The following LRRC40 variants were observed in gnomAD, a reference collection of about 807,000 sequenced individuals.
LRRC40 encodes the protein leucine rich repeat containing 40.
In LRRC40, 76 loss-of-function variants were observed where a neutral mutation model predicts 72.8. That is an observed-to-expected ratio of 1.04 (90% confidence interval 0.87 to 1.26). The LOEUF is 1.26. Among genes scored for constraint, LRRC40 ranks in the 50% most tolerant of loss-of-function variants. LRRC40 has a pLI of 0.00. For synonymous variants in LRRC40, 243 were observed against 254.2 expected (o/e 0.96, Z 0.42); for missense variants, 684 against 698.9 (o/e 0.98, Z 0.24).
At chr1:70,170,625 T>A (rs1291378753) in intron 9 of LRRC40, among the ~76,000 whole-genome samples, 1 of 152,106 alleles carries the variant, frequency 6.6e-6, no homozygotes, top group African/African-American at 2.4e-5. Context: ...AACAATTATA[T>A]GCCTAATAGC....
In LRRC40 at chr1:70,173,499, T is replaced by C. The variant is rs1343709818; in HGVS notation, c.1077A>G (p.Gln359=). The C allele has an allele frequency of 6.2e-7, 1 of 1,608,376 alleles. No homozygotes were observed. The change falls in exon 9 of 15, where the codon CAA becomes CAG. Residue 359 remains glutamine, a synonymous_variant. Coordinates refer to ENST00000370952, the MANE Select transcript of LRRC40 (RefSeq NM_017768.5). ...TGCTTCGTAGATATTTTAGGACTTC[T>C]TGTGTTCCTTTCTAGAAGGGTGGAG... ...IRREIISKGT[Q]EVLKYLRSKI...
At chr1:70,173,400 T>A in intron 9 of LRRC40, 65 bp downstream of exon 9, 1 of 1,127,686 alleles carries the variant, frequency 8.9e-7, no homozygotes. Flanking sequence ...TTTAAATTTA[T>A]GTACTATTAA....
chr1:70,147,007 CTTATT>C (rs1469424180), intron 14 of LRRC40: 1 of 152,088 alleles, frequency 6.6e-6, no homozygotes, highest in East Asian at 1.9e-4. Context: ...CTTTTAAAGA[CTTATT>C]TTCTTAATTT....
chr1:70,188,225 T>C (rs1668410989), intron 2 of LRRC40, among the ~76,000 whole-genome samples: 1 of 152,180 alleles, frequency 6.6e-6, no homozygotes, highest in South Asian at 2.1e-4. Context: ...ACTTTTTATG[T>C]TGATAAGTAA....
intron 6 of LRRC40, among the ~76,000 whole-genome samples, chr1:70,176,237 A>G (rs1162668869): frequency 1.3e-5 from 2 of 152,206 alleles, no homozygotes; most frequent in African/African-American, 2.4e-5. Context: ...CATCAAGTTT[A>G]TAAAACCAAA....
At chr1:70,196,097 A>C (rs961954287) in intron 1 of LRRC40, among the ~76,000 whole-genome samples, 2 of 152,092 alleles carry the variant, frequency 1.3e-5, no homozygotes, top group African/African-American at 2.4e-5. Context: ...AGACCTACGA[A>C]ATGTTTCTTT....
At chr1:70,192,369 G>A (rs556791140) in intron 1 of LRRC40, among the ~76,000 whole-genome samples, 3 of 152,106 alleles carry the variant, frequency 2.0e-5, no homozygotes, top group Admixed American at 6.5e-5. Flanking sequence ...GTTGGTAGGA[G>A]TGTAAATCAG....
chr1:70,194,100 G>GA (rs1668558752), intron 1 of LRRC40, among the ~76,000 whole-genome samples: 1 of 151,766 alleles, frequency 6.6e-6, no homozygotes, highest in African/African-American at 2.4e-5. Flanking sequence ...ACAAAAAGAA[G>GA]AAAAAGAAAT....
chr1:70,191,241 G>A lies in LRRC40; in HGVS notation c.152-1968C>T, dbSNP rs575910399. On this transcript the variant is annotated intron_variant, in intron 1 of 14. Coordinates refer to ENST00000370952, the MANE Select transcript of LRRC40 (RefSeq NM_017768.5). ...AGAAAGTATGTAGAAAAAGCTATGT[G>A]AGATGCACCATTCTACTCCTAAAGA... Among the ~76,000 whole-genome samples, 19 of 152,124 alleles carry A rather than the reference G, an allele frequency of 1.2e-4. No individual in the cohort carries two copies. The South Asian group carries it at 1.9e-3, about 15-fold the overall frequency.
intron 4 of LRRC40, 121 bp downstream of exon 4, chr1:70,184,664 A>C: frequency 1.1e-6 from 1 of 952,094 alleles, no homozygotes; most frequent in Admixed American, 2.8e-5. Flanking sequence ...ATTTCTGATA[A>C]TCTAATCACA....
chr1:70,160,999 A>AG (rs1450245677), intron 9 of LRRC40, among the ~76,000 whole-genome samples: 1 of 150,184 alleles, frequency 6.7e-6, no homozygotes, highest in Non-Finnish European at 1.5e-5. Context: ...AGAGAGAGAG[A>AG]AAAAAAAAAG....
intron 6 of LRRC40, among the ~76,000 whole-genome samples, chr1:70,176,289 T>C (rs966177311): frequency 1.3e-5 from 2 of 151,940 alleles, no homozygotes; most frequent in South Asian, 2.1e-4. Context: ...TCCCAGCTCT[T>C]TGGGAGGCTG....
At position 70,181,210 on chromosome 1, in the gene LRRC40, C is replaced by A; in HGVS notation, c.538-1G>T. 1 of 1,519,584 alleles carries A rather than the reference C, an allele frequency of 6.6e-7. No homozygotes were observed. The highest frequency in any genetic ancestry group is 8.8e-7 in the Non-Finnish European group (1 of 1,136,028). The allele number at this position is 1,519,584 out of a possible 1,614,324, so 94.1% of individuals were successfully genotyped here. A position where few individuals can be genotyped will look rare whatever the true frequency, so the allele number is the denominator to read the frequency against. On this transcript the variant is annotated splice_acceptor_variant, in intron 4 of 14. Coordinates refer to ENST00000370952, the MANE Select transcript of LRRC40 (RefSeq NM_017768.5). LOFTEE classifies it high-confidence loss of function. The stretch of plus-strand genomic sequence containing the variant: ...TTGTAAGATGATTGTTTGAAAGATC[C>A]TTTAAAAAGAGAAAGACAAAATAAA...
rs140585610 is a variant in LRRC40 at position 70,175,539 on chromosome 1, T to A, written c.977+271A>T. ...TTTAGTTCTAGGGGGTAACTAGAAC[T>A]AAATTTTACTCTAGTAAGAGTAATA... On this transcript the variant is annotated intron_variant, in intron 7 of 14. Transcript: ENST00000370952. 5.3e-5 allele frequency among the ~76,000 whole-genome samples: 8 copies of A among 152,304 alleles called. No homozygotes were observed. The East Asian group carries it at 1.5e-3, about 29-fold the overall frequency.
intron 11 of LRRC40, among the ~76,000 whole-genome samples, chr1:70,153,972 CA>C (rs1042976831): frequency 0.12 from 6,862 of 58,304 alleles, 136 homozygotes; most frequent in East Asian, 0.32. Flanking sequence ...GATCCTGTCT[CA>C]AAAAAAAAAA....
At chr1:70,196,596 C>A (rs1360845975) in intron 1 of LRRC40, among the ~76,000 whole-genome samples, 2 of 151,640 alleles carry the variant, frequency 1.3e-5, no homozygotes, top group African/African-American at 4.8e-5. Context: ...ATGGATGAAC[C>A]TCAAAAACAT....
chr1:70,153,292 G>C (rs1225313224), intron 11 of LRRC40, among the ~76,000 whole-genome samples: 1 of 152,018 alleles, frequency 6.6e-6, no homozygotes, highest in African/African-American at 2.4e-5. Context: ...AGCCTGGGAG[G>C]CGGAGGTTGT....
chr1:70,150,155 G>A (rs957205105), intron 13 of LRRC40, among the ~76,000 whole-genome samples: 62 of 152,232 alleles, frequency 4.1e-4, no homozygotes, highest in African/African-American at 1.4e-3. Flanking sequence ...CTGACCTCAG[G>A]TGATCCGCCC....
chr1:70,202,264 T>C (rs1668759111), intron 1 of LRRC40, among the ~76,000 whole-genome samples: 1 of 152,062 alleles, frequency 6.6e-6, no homozygotes, highest in Non-Finnish European at 1.5e-5. Context: ...GCTTTATTCA[T>C]AACTGCCAAA....
Sources: allele counts gnomAD v4.1 joint callset (sites outside exome capture counted in the v4.1 genomes callset), GRCh38; gene constraint gnomAD v4.1.1; transcripts MANE v1.5; gene names NCBI Gene and HGNC (gene_info 2026-07-23, HGNC 2026-07-21).